Variants in GSTO2 observed in about 807,000 individuals in gnomAD.
GSTO2 encodes the protein glutathione S-transferase omega 2, also known as glutathione S-transferase omega-2.
In GSTO2, 23 loss-of-function variants were observed where a neutral mutation model predicts 28.4. The ratio of observed to expected loss-of-function variants is 0.81; its 90% confidence interval spans 0.58 to 1.15. The LOEUF (loss-of-function observed/expected upper bound fraction) is 1.15, where lower values mean the gene tolerates loss of function less well. GSTO2 is among the 50% of genes most tolerant of loss of function. GSTO2 has a pLI of 0.00. For missense variants in GSTO2, 298 were observed against 297.8 expected, an observed-to-expected ratio of 1.00 and a Z score of 0.00; for synonymous variants, 109 against 111.0, an observed-to-expected ratio of 0.98 and a Z score of 0.11.
rs557599909 is a variant in GSTO2 at position 104,290,425 on chromosome 10, A to C, written c.469-7153A>C. The stretch of plus-strand genomic sequence containing the variant: ...GAGGCTGAGGCAGGAGAATTGCTTG[A>C]ATCTGGGAGGCAGAGGTTGCAGTGA... On this transcript the variant is annotated intron_variant, in intron 5 of 6. Transcript: ENST00000338595. Among the ~76,000 whole-genome samples the C allele has an allele frequency of 4.6e-5, 7 of 152,128 alleles. No homozygotes were observed. The South Asian group carries it at 1.5e-3, about 32-fold the overall frequency.
intron 5 of GSTO2, chr10:104,285,982 C>G (rs970077458): frequency 5.6e-6 from 2 of 358,918 alleles, no homozygotes; most frequent in African/African-American, 2.1e-5. Context: ...TCACTGAAAA[C>G]AATTTTCTGT....
chr10:104,291,462 T>A (rs2012760783), intron 5 of GSTO2: 1 of 151,662 alleles, frequency 6.6e-6, no homozygotes, highest in Non-Finnish European at 1.5e-5. Flanking sequence ...CTCCTAATGA[T>A]CTTGCTTCTC....
intron 5 of GSTO2, among the ~76,000 whole-genome samples, chr10:104,283,539 T>G (rs1487501438): frequency 1.3e-5 from 2 of 152,156 alleles, no homozygotes; most frequent in African/African-American, 4.8e-5. Context: ...GGCGGGAGCA[T>G]CTTTTGAACC....
Position 104,272,587 on chromosome 10 carries a change from C to CTTTTTTTT in GSTO2, c.-231-2061_-231-2054dup, listed in dbSNP as rs768279768. On this transcript the variant is annotated intron_variant, in intron 1 of 6. Transcript: ENST00000338595. ...GAATCAAAATAGAACAGTTATGGGA[C>CTTTTTTTT]TTTTTTTTTTTTTTTTTTTTTTTTT... Among the ~76,000 whole-genome samples, 230 of 49,306 alleles carry CTTTTTTTT rather than the reference C, an allele frequency of 4.7e-3. 56 individuals are homozygous for CTTTTTTTT. Among genetic ancestry groups the CTTTTTTTT allele is most frequent in the Non-Finnish European group, 6.6e-3 (176 of 26,486 alleles). The allele number at this position is 49,306 out of a possible 152,430, so 32.3% of individuals were successfully genotyped here. A position where few individuals can be genotyped will look rare whatever the true frequency, so the allele number is the denominator to read the frequency against.
chr10:104,283,306 G>A (rs913376932), intron 5 of GSTO2, among the ~76,000 whole-genome samples: 7 of 152,218 alleles, frequency 4.6e-5, no homozygotes, highest in Non-Finnish European at 1.0e-4. Context: ...TTTGAATGTG[G>A]TTTTGTCCCA....
rs1186992465 is a variant in GSTO2, at chr10:104,304,923, ATCT to A, written c.*5643_*5645del. 1 of 152,214 alleles carries A rather than the reference ATCT, an allele frequency of 6.6e-6. No homozygotes were observed. The highest frequency in any genetic ancestry group is 1.5e-5 in the Non-Finnish European group (1 of 68,042). The allele number at this position is 152,214 out of a possible 1,614,324, so 9.4% of individuals were successfully genotyped here. On this transcript the variant is annotated 3_prime_UTR_variant, in exon 7 of 7. Transcript: ENST00000338595. Reference sequence around the variant, plus strand: ...TTGCAATGTTGATGATGTAAAATAAATCTTCTCTCCTGTGTTTCTGAAGAATAC... The same window carrying A: ...TTGCAATGTTGATGATGTAAAATAAATCTCTCCTGTGTTTCTGAAGAATAC...
chr10:104,277,868 G>T (rs565662397), intron 3 of GSTO2, 26 bp from the exon 4 acceptor site: 1 of 1,525,430 alleles, frequency 6.6e-7, no homozygotes, highest in South Asian at 1.1e-5. Flanking sequence ...TTTTTGTTCT[G>T]TCTTGTTTTC....
rs2013259400 is a variant in GSTO2, at chr10:104,301,611, G to A, written c.*2327G>A. 3 of 152,186 alleles carry A rather than the reference G, an allele frequency of 2.0e-5. No homozygotes were observed. The highest frequency in any genetic ancestry group is 2.0e-4 in the Admixed American group (3 of 15,270). 9.4% of individuals were successfully genotyped at this position (152,186 alleles called of 1,614,324 possible). A position where few individuals can be genotyped will look rare whatever the true frequency, so the allele number is the denominator to read the frequency against. On this transcript the variant is annotated 3_prime_UTR_variant, in exon 7 of 7. Coordinates refer to ENST00000338595, the MANE Select transcript of GSTO2 (RefSeq NM_183239.2). Reference sequence around the variant, plus strand: ...GCTCCATGAAGAACTTTAAAAATATGCTTCTTAATTAATACATGTGGAAAG... The same window carrying A: ...GCTCCATGAAGAACTTTAAAAATATACTTCTTAATTAATACATGTGGAAAG...
intron 5 of GSTO2, among the ~76,000 whole-genome samples, chr10:104,283,165 A>G (rs2012187910): frequency 1.3e-5 from 2 of 152,220 alleles, no homozygotes. Context: ...TTTATCTTCA[A>G]TAACTGAGCC....
In GSTO2 at chr10:104,302,376, A is replaced by G. The variant is rs2013281221; in HGVS notation, c.*3092A>G. On this transcript the variant is annotated 3_prime_UTR_variant, in exon 7 of 7. Coordinates refer to ENST00000338595, the MANE Select transcript of GSTO2 (RefSeq NM_183239.2). ...GTTTAAACCACAGCATTTAAAAGAA[A>G]TGGTCATAGATGATGTTAACATCAG... 6.6e-6 allele frequency: 1 copy of G among 152,260 alleles called. No individual in the cohort carries two copies. Among genetic ancestry groups the G allele is most frequent in the Non-Finnish European group, 1.5e-5 (1 of 68,048 alleles). The allele number at this position is 152,260 out of a possible 1,614,324, so 9.4% of individuals were successfully genotyped here. A position where few individuals can be genotyped will look rare whatever the true frequency, so the allele number is the denominator to read the frequency against.
intron 1 of GSTO2, among the ~76,000 whole-genome samples, chr10:104,270,015 C>CTT (rs762585008): frequency 1.8e-4 from 25 of 141,734 alleles, no homozygotes; most frequent in African/African-American, 3.9e-4. Flanking sequence ...TAGTATCTAC[C>CTT]TTTTTTTTTT....
rs990023601 is a variant in GSTO2, at chr10:104,271,762, A to C, written c.-232+2493A>C. On this transcript the variant is annotated intron_variant, in intron 1 of 6. Transcript: ENST00000338595. Reference sequence around the variant, plus strand: ...AACTCTCAGAGTTAGTTTCTTTTAAAAGGTGGGAATGAAAAAACAAAACTT... The same window carrying C: ...AACTCTCAGAGTTAGTTTCTTTTAACAGGTGGGAATGAAAAAACAAAACTT... Among the ~76,000 whole-genome samples the C allele has an allele frequency of 5.9e-5, 9 of 152,210 alleles. No individual in the cohort carries two copies. In the South Asian group the frequency reaches 1.2e-3, roughly 21 times the overall value.
At chr10:104,282,225 CAAAAAAAAA>C (rs71022727) in intron 5 of GSTO2, among the ~76,000 whole-genome samples, 3 of 88,956 alleles carry the variant, frequency 3.4e-5, no homozygotes, top group African/African-American at 7.2e-5. Flanking sequence ...GACTCTGTTT[CAAAAAAAAA>C]AAAAAAAAAG....
At chr10:104,277,607 G>C (rs1382573628) in intron 3 of GSTO2, among the ~76,000 whole-genome samples, 2 of 152,078 alleles carry the variant, frequency 1.3e-5, no homozygotes, top group Non-Finnish European at 1.5e-5. Flanking sequence ...TTCTTAGTGG[G>C]TGGTATTGGG....
rs12358739 is a variant in GSTO2 at position 104,284,096 on chromosome 10, A to T, written c.468+4625A>T. ...TAGTTTCAGGTGGGTTCAGTGGCTCATGCCTGCAATCCCAGCACTTTGGGA... is the reference window on the plus strand; with the variant it reads ...TAGTTTCAGGTGGGTTCAGTGGCTCTTGCCTGCAATCCCAGCACTTTGGGA... On this transcript the variant is annotated intron_variant, in intron 5 of 6. Transcript: ENST00000338595. Among the ~76,000 whole-genome samples, 510 of 149,598 alleles carry T rather than the reference A, an allele frequency of 3.4e-3. 2 individuals carry two copies. Among genetic ancestry groups the T allele is most frequent in the Non-Finnish European group, 5.7e-3 (383 of 67,774 alleles).
intron 1 of GSTO2, among the ~76,000 whole-genome samples, chr10:104,269,554 C>T (rs1490833692): frequency 6.6e-6 from 1 of 152,144 alleles, no homozygotes; most frequent in East Asian, 1.9e-4. Flanking sequence ...CAGAGACCAC[C>T]CCAGATAACC....
chr10:104,279,746 T>G (rs1320447055), intron 5 of GSTO2, among the ~76,000 whole-genome samples: 1 of 152,200 alleles, frequency 6.6e-6, no homozygotes, highest in Non-Finnish European at 1.5e-5. Context: ...CTTCTGTAGC[T>G]TCTGCCAATG....
At chr10:104,292,622 C>T (rs545254677) in intron 5 of GSTO2, among the ~76,000 whole-genome samples, 24 of 152,094 alleles carry the variant, frequency 1.6e-4, no homozygotes, top group African/African-American at 5.5e-4. Context: ...ACCACAATGC[C>T]CAGTTAGTTT....
chr10:104,299,090 C>A lies in GSTO2; in HGVS notation c.576-38C>A, dbSNP rs779398874. ...CGTGCATCCCCTTTCCTGATGCCTA[C>A]CCCTGCACTGTGCTGACGCTTCTTT... On this transcript the variant is annotated intron_variant, in intron 6 of 6. Coordinates refer to ENST00000338595, the MANE Select transcript of GSTO2 (RefSeq NM_183239.2). The A allele has an allele frequency of 5.0e-6, 8 of 1,591,646 alleles. 1 individual carries two copies. Among genetic ancestry groups the A allele is most frequent in the Non-Finnish European group, 6.0e-6 (7 of 1,169,542 alleles).
Sources: gnomAD v4.1 joint callset for allele counts (sites outside exome capture counted in the v4.1 genomes callset) on GRCh38, gnomAD v4.1.1 for gene constraint, MANE v1.5 for transcripts, NCBI Gene and HGNC (gene_info 2026-07-23, HGNC 2026-07-21) for gene names.